CRPPA: variants seen among roughly 807,000 people sequenced by gnomAD.
CRPPA encodes the protein CDP-L-ribitol pyrophosphorylase A, also known as D-ribitol-5-phosphate cytidylyltransferase.
Under a neutral mutation model 52.0 loss-of-function variants are expected in CRPPA, and 43 were observed. That is an observed-to-expected ratio of 0.83 (90% CI 0.65 to 1.07). CRPPA has a LOEUF of 1.07. CRPPA is among the 50% of genes least tolerant of loss of function. CRPPA has a pLI of 0.00. For synonymous variants in CRPPA, 250 were observed against 203.5 expected (o/e 1.23, Z -1.94); for missense variants, 629 against 551.7 (o/e 1.14, Z -1.40).
At chr7:16,232,919 C>T (rs1470189446) in intron 8 of CRPPA, among the ~76,000 whole-genome samples, 1 of 151,954 alleles carries the variant, frequency 6.6e-6, no homozygotes, top group Non-Finnish European at 1.5e-5. Flanking sequence ...GAACTAAGAA[C>T]ATTAAAACAG....
At chr7:16,192,968 C>T (rs1781645779) in intron 9 of CRPPA, among the ~76,000 whole-genome samples, 2 of 152,108 alleles carry the variant, frequency 1.3e-5, no homozygotes, top group South Asian at 4.1e-4. Flanking sequence ...CTTTACAAGT[C>T]TTTAAATCAG....
intron 9 of CRPPA, among the ~76,000 whole-genome samples, chr7:16,203,265 T>C (rs1398214477): frequency 6.6e-6 from 1 of 152,112 alleles, no homozygotes; most frequent in Non-Finnish European, 1.5e-5. Context: ...GTATCCAGCA[T>C]CTGTTCCCCA....
At chr7:16,182,022 A>G (rs1255951786) in intron 9 of CRPPA, among the ~76,000 whole-genome samples, 2 of 151,986 alleles carry the variant, frequency 1.3e-5, no homozygotes, top group African/African-American at 4.8e-5. Context: ...AAATTTATAA[A>G]CCTAATATGT....
intron 3 of CRPPA, among the ~76,000 whole-genome samples, chr7:16,311,204 T>C (rs1231426181): frequency 1.3e-5 from 2 of 152,128 alleles, no homozygotes; most frequent in Admixed American, 6.6e-5. Flanking sequence ...AAGCCCGTAG[T>C]TTAATTACGA....
intron 4 of CRPPA, among the ~76,000 whole-genome samples, chr7:16,305,147 A>T (rs1784880240): frequency 6.6e-6 from 1 of 152,208 alleles, no homozygotes; most frequent in East Asian, 1.9e-4. Flanking sequence ...CAAATCTTAC[A>T]ATGTTATCAA....
At chr7:16,219,257 A>G (rs1782430470) in intron 8 of CRPPA, among the ~76,000 whole-genome samples, 2 of 151,078 alleles carry the variant, frequency 1.3e-5, no homozygotes, top group Admixed American at 6.6e-5. Context: ...GAACAAAGAC[A>G]CAACATACCA....
At chr7:16,095,564 C>T (rs1781920012) in intron 9 of CRPPA, among the ~76,000 whole-genome samples, 1 of 152,080 alleles carries the variant, frequency 6.6e-6, no homozygotes, top group South Asian at 2.1e-4. Flanking sequence ...ATCTGGAAAA[C>T]TTATGTGAGA....
chr7:16,367,688 C>G (rs1786640199), intron 3 of CRPPA, among the ~76,000 whole-genome samples: 1 of 152,030 alleles, frequency 6.6e-6, no homozygotes, highest in African/African-American at 2.4e-5. Flanking sequence ...GGGGTACAGG[C>G]AGGCTATGAA....
chr7:16,405,077 T>C (rs985025453), intron 2 of CRPPA, among the ~76,000 whole-genome samples: 1 of 151,908 alleles, frequency 6.6e-6, no homozygotes, highest in South Asian at 2.1e-4. Flanking sequence ...AGTTATAGAC[T>C]GTCTTTCCTA....
At chr7:16,304,316 G>T (rs1859421) in intron 4 of CRPPA, among the ~76,000 whole-genome samples, 121,560 of 151,286 alleles carry the variant, frequency 0.8, 49,513 homozygotes, top group African/African-American at 0.93. Flanking sequence ...TGCATGGTGT[G>T]TTGAAAGAAA....
intron 1 of CRPPA, among the ~76,000 whole-genome samples, chr7:16,407,706 T>C (rs960752986): frequency 2.0e-5 from 3 of 152,184 alleles, no homozygotes; most frequent in Non-Finnish European, 2.9e-5. Flanking sequence ...ATTCTGCCTG[T>C]AGCTAAAAGA....
intron 3 of CRPPA, among the ~76,000 whole-genome samples, chr7:16,362,358 A>G (rs1468092871): frequency 6.6e-6 from 1 of 152,196 alleles, no homozygotes; most frequent in Non-Finnish European, 1.5e-5. Context: ...TGGAAGGGCA[A>G]AAAGGAACAC....
intron 9 of CRPPA, among the ~76,000 whole-genome samples, chr7:16,213,500 G>C (rs764972754): frequency 2.0e-5 from 3 of 151,912 alleles, no homozygotes; most frequent in Non-Finnish European, 2.9e-5. Flanking sequence ...TGTAATCCCA[G>C]CACTTTGGGA....
chr7:16,253,622 C>T (rs144492636), intron 8 of CRPPA, among the ~76,000 whole-genome samples: 246 of 152,144 alleles, frequency 1.6e-3, no homozygotes, highest in African/African-American at 5.4e-3. Flanking sequence ...CTATTAGGTC[C>T]GCTTGGTGCA....
At chr7:16,103,112 A>G (rs1782081689) in intron 9 of CRPPA, among the ~76,000 whole-genome samples, 2 of 152,214 alleles carry the variant, frequency 1.3e-5, no homozygotes, top group South Asian at 4.1e-4. Context: ...ACACCATGGA[A>G]TACTATGCAG....
intron 3 of CRPPA, among the ~76,000 whole-genome samples, chr7:16,372,650 G>A (rs1465643434): frequency 6.6e-6 from 1 of 151,986 alleles, no homozygotes; most frequent in Non-Finnish European, 1.5e-5. Context: ...AAAGGACCTA[G>A]GTAAGAGCTA....
chr7:16,226,731 G>A (rs548678872), intron 8 of CRPPA, among the ~76,000 whole-genome samples: 1 of 151,820 alleles, frequency 6.6e-6, no homozygotes, highest in Non-Finnish European at 1.5e-5. Flanking sequence ...ACAACGTGAT[G>A]TTCTGAAGCA....
At chr7:16,149,963 G>A (rs993755851) in intron 9 of CRPPA, among the ~76,000 whole-genome samples, 1 of 151,368 alleles carries the variant, frequency 6.6e-6, no homozygotes, top group Non-Finnish European at 1.5e-5. Flanking sequence ...TCCAGCCTGG[G>A]TGACACAGCG....
intron 3 of CRPPA, among the ~76,000 whole-genome samples, chr7:16,350,034 C>A (rs927172471): frequency 3.3e-5 from 5 of 151,718 alleles, no homozygotes; most frequent in Non-Finnish European, 7.4e-5. Flanking sequence ...CATGTGAGCC[C>A]CCATAAAATG....
Sources: gnomAD v4.1 joint callset for allele counts (sites outside exome capture counted in the v4.1 genomes callset) on GRCh38, gnomAD v4.1.1 for gene constraint, MANE v1.5 for transcripts, NCBI Gene and HGNC (gene_info 2026-07-23, HGNC 2026-07-21) for gene names.